SMURF1: variants seen among roughly 807,000 people sequenced by gnomAD.
SMURF1 encodes the protein SMAD specific E3 ubiquitin protein ligase 1.
In SMURF1, 44 loss-of-function variants were observed where a neutral mutation model predicts 98.0. That is an observed-to-expected ratio of 0.45 (90% CI 0.35 to 0.58). The LOEUF (loss-of-function observed/expected upper bound fraction) is 0.58. Ranked by LOEUF, SMURF1 falls within the 20% of genes least tolerant of loss-of-function variation. SMURF1 has a pLI of 0.00. For missense variants in SMURF1, 687 were observed against 938.4 expected (o/e 0.73, Z 3.50); for synonymous variants, 396 against 374.9 (o/e 1.06, Z -0.65).
chr7:99,089,046 A>G (rs368053607), intron 1 of SMURF1, among the ~76,000 whole-genome samples: 3 of 152,148 alleles, frequency 2.0e-5, no homozygotes, highest in African/African-American at 7.2e-5. Context: ...TCTACCAAAA[A>G]TACAAAAATT....
intron 2 of SMURF1, among the ~76,000 whole-genome samples, chr7:99,061,120 A>C (rs1176424195): frequency 1.3e-5 from 2 of 152,220 alleles, no homozygotes; most frequent in Non-Finnish European, 2.9e-5. Flanking sequence ...GGTTTATTAG[A>C]TCAGACAGGT....
chr7:99,129,631 A>T (rs937729418), intron 1 of SMURF1, among the ~76,000 whole-genome samples: 1 of 152,176 alleles, frequency 6.6e-6, no homozygotes, highest in African/African-American at 2.4e-5. Flanking sequence ...GGCTCAAGTG[A>T]TCCTTCCACC....
intron 1 of SMURF1, among the ~76,000 whole-genome samples, chr7:99,063,364 C>T (rs866531950): frequency 1.4e-4 from 20 of 144,258 alleles, no homozygotes; most frequent in South Asian, 2.2e-4. Context: ...ACAATCATAG[C>T]TCACTGTAGC....
Position 99,055,945 on chromosome 7 carries a change from G to A in SMURF1, c.404-1080C>T, listed in dbSNP as rs144896493. ...CATGCCACTGCACTCCAGCCTGGGC[G>A]ACAGAGCAAGACTCCGTGTCAAAAA... On this transcript the variant is annotated intron_variant, in intron 5 of 17. Transcript: ENST00000361368. 4.1e-3 allele frequency among the ~76,000 whole-genome samples: 626 copies of A among 152,118 alleles called. 2 individuals carry two copies. Among genetic ancestry groups the A allele is most frequent in the African/African-American group, 0.013 (543 of 41,508 alleles).
intron 13 of SMURF1, among the ~76,000 whole-genome samples, chr7:99,040,013 T>C (rs549617427): frequency 1.3e-5 from 2 of 152,332 alleles, no homozygotes; most frequent in East Asian, 3.9e-4. Context: ...TGTTAACGTC[T>C]GTGATCGCGC....
intron 1 of SMURF1, among the ~76,000 whole-genome samples, chr7:99,122,356 A>C (rs934762767): frequency 3.3e-5 from 5 of 150,550 alleles, no homozygotes; most frequent in Admixed American, 6.6e-5. Flanking sequence ...GAAGAAGAAA[A>C]AAAAAGGCCG....
chr7:99,049,753 G>T, intron 8 of SMURF1, 44 bp from the exon 9 acceptor site: 1 of 1,580,276 alleles, frequency 6.3e-7, no homozygotes, highest in Non-Finnish European at 8.6e-7. Flanking sequence ...AACTGAGTAT[G>T]GAGGAATGAG....
chr7:99,047,706 A>G lies in SMURF1; in HGVS notation c.1130T>C (p.Val377Ala). The change falls in exon 10 of 18, where the codon GTG becomes GCG. Residue 377 changes from valine (V) to alanine (A), a missense_variant. Transcript: ENST00000361368. ...TACCTCAAAGATTTCTTCTCTGGAC[A>G]CTTCGATGCGGCAATGACCAGCTTG... ...QPQAGHCRIE[V>A]SREEIFEESY... 1 of 1,614,186 alleles carries G rather than the reference A, an allele frequency of 6.2e-7. No homozygotes were observed. Among genetic ancestry groups the G allele is most frequent in the Non-Finnish European group, 8.5e-7 (1 of 1,180,034 alleles).
intron 3 of SMURF1, among the ~76,000 whole-genome samples, chr7:99,059,661 G>C (rs56679095): frequency 0.12 from 18,122 of 151,274 alleles, 1,167 homozygotes; most frequent in East Asian, 0.22. Context: ...TGTAATCCCA[G>C]AACTTTGGGA....
At chr7:99,132,695 C>CACGG (rs1797896488) in intron 1 of SMURF1, among the ~76,000 whole-genome samples, 1 of 112,490 alleles carries the variant, frequency 8.9e-6, no homozygotes, top group East Asian at 2.2e-4. Flanking sequence ...CACACAGACA[C>CACGG]ACGGACACAC....
intron 3 of SMURF1, 78 bp from the exon 4 acceptor site, chr7:99,057,629 A>C: frequency 7.1e-7 from 1 of 1,415,682 alleles, no homozygotes; most frequent in East Asian, 2.5e-5. Context: ...TTGAGATAGA[A>C]TCCTGCTCTG....
chr7:99,140,281 C>CTTT (rs11421940), intron 1 of SMURF1, among the ~76,000 whole-genome samples: 1,765 of 85,676 alleles, frequency 0.021, 9 homozygotes, highest in East Asian at 0.033. Flanking sequence ...CTTCAGTATC[C>CTTT]TTTTTTTTTT....
intron 15 of SMURF1, 110 bp downstream of exon 15, chr7:99,036,957 C>A: frequency 6.5e-7 from 1 of 1,544,972 alleles, no homozygotes. Context: ...CCCAGCAGCT[C>A]CTAGGCTTAC....
At chr7:99,048,073 G>A (rs2150522044) in intron 9 of SMURF1, 191 bp from the exon 10 acceptor site, 1 of 600,810 alleles carries the variant, frequency 1.7e-6, no homozygotes. Flanking sequence ...TAGCCTAAAT[G>A]TATGTCTACA....
intron 1 of SMURF1, among the ~76,000 whole-genome samples, chr7:99,103,276 G>A (rs1463658010): frequency 3.9e-5 from 6 of 152,138 alleles, no homozygotes; most frequent in Non-Finnish European, 8.8e-5. Flanking sequence ...ACATACGCCT[G>A]TGTTCATACA....
intron 1 of SMURF1, among the ~76,000 whole-genome samples, chr7:99,119,037 TTTTTTTTA>T (rs1797531146): frequency 5.1e-5 from 5 of 97,382 alleles, no homozygotes; most frequent in South Asian, 3.8e-4. Flanking sequence ...TTTTTTTTTT[TTTTTTTTA>T]GAGACAGGGT....
Position 99,054,857 on chromosome 7 carries a change from G to A in SMURF1, c.412C>T (p.Gln138Ter), listed in dbSNP as rs772315109. ...CCGGTTCCTATTCTGTCTCGTGTCTGTAAACTGACTAAAAGAGAAAAGAAC... is the reference window on the plus strand; with the variant it reads ...CCGGTTCCTATTCTGTCTCGTGTCTATAAACTGACTAAAAGAGAAAAGAAC... Reference protein sequence around the residue: ...AVRGQIVVSLQTRDRIGTGGS... With the variant: ...AVRGQIVVSL The change falls in exon 6 of 18, where the codon CAG (glutamine) becomes TAG (stop). Residue 138 changes from glutamine (Q) to a stop codon, truncating the protein, a stop_gained. Coordinates refer to ENST00000361368, the MANE Select transcript of SMURF1 (RefSeq NM_181349.3). LOFTEE classifies it high-confidence loss of function. The A allele has an allele frequency of 6.2e-7, 1 of 1,611,032 alleles. No homozygotes were observed. Among genetic ancestry groups the A allele is most frequent in the Admixed American group, 1.7e-5 (1 of 59,922 alleles).
intron 1 of SMURF1, among the ~76,000 whole-genome samples, chr7:99,062,097 CTT>C (rs1013163853): frequency 2.1e-5 from 3 of 145,196 alleles, no homozygotes; most frequent in African/African-American, 7.5e-5. Flanking sequence ...GATCAATATA[CTT>C]TTTTTTTTTT....
intron 11 of SMURF1, among the ~76,000 whole-genome samples, chr7:99,043,548 G>A (rs1017491491): frequency 6.6e-6 from 1 of 152,186 alleles, no homozygotes; most frequent in Non-Finnish European, 1.5e-5. Flanking sequence ...AACGCAGAAG[G>A]AATGTAACTC....
Sources: allele counts gnomAD v4.1 joint callset (sites outside exome capture counted in the v4.1 genomes callset), GRCh38; gene constraint gnomAD v4.1.1; transcripts MANE v1.5; gene names NCBI Gene and HGNC (gene_info 2026-07-23, HGNC 2026-07-21).